The following VPS41 variants were observed in gnomAD, a reference collection of about 807,000 sequenced individuals.
The protein encoded by VPS41 is vacuolar protein sorting-associated protein 41 homolog.
Under a neutral mutation model 130.9 loss-of-function variants are expected in VPS41, and 85 were observed. That is an observed-to-expected ratio of 0.65 (90% confidence interval 0.55 to 0.78). VPS41 has a LOEUF of 0.78. VPS41 is among the 30% of genes least tolerant of loss of function. The probability of loss-of-function intolerance (pLI) is 0.00; values close to 1 mark genes in which losing one functional copy is unlikely to be tolerated. For synonymous variants in VPS41, 335 were observed against 332.9 expected (o/e 1.01, Z -0.07); for missense variants, 874 against 1,018.7 (o/e 0.86, Z 1.93).
chr7:38,737,401 AC>A (rs1795790386), intron 25 of VPS41, among the ~76,000 whole-genome samples: 1 of 152,084 alleles, frequency 6.6e-6, no homozygotes, highest in Admixed American at 6.5e-5. Context: ...TAAAAACAAA[AC>A]TTCATAACCC....
intron 9 of VPS41, among the ~76,000 whole-genome samples, chr7:38,790,647 G>A (rs760135144): frequency 6.6e-6 from 1 of 152,192 alleles, no homozygotes; most frequent in Non-Finnish European, 1.5e-5. Context: ...GTATACAGGA[G>A]GATGTGCATA....
intron 10 of VPS41, among the ~76,000 whole-genome samples, chr7:38,786,569 T>C (rs1784443151): frequency 6.6e-6 from 1 of 152,110 alleles, no homozygotes. Context: ...GCAAATATAG[T>C]AAAATCTTAA....
intron 7 of VPS41, among the ~76,000 whole-genome samples, chr7:38,806,659 A>C (rs1784845193): frequency 6.6e-6 from 1 of 152,240 alleles, no homozygotes; most frequent in Admixed American, 6.5e-5. Context: ...AAATATTGTT[A>C]ATAATTTGGT....
At chr7:38,805,174 C>A (rs1193956627) in intron 7 of VPS41, among the ~76,000 whole-genome samples, 1 of 152,204 alleles carries the variant, frequency 6.6e-6, no homozygotes, top group African/African-American at 2.4e-5. Flanking sequence ...ATTGCTAAGT[C>A]TTGAATAATG....
chr7:38,909,112 C>T (rs201373461), intron 1 of VPS41, 42 bp downstream of exon 1: 3 of 1,612,810 alleles, frequency 1.9e-6, no homozygotes, highest in Admixed American at 3.3e-5. Context: ...CCACCCTAGT[C>T]TCTATATCCC....
intron 25 of VPS41, among the ~76,000 whole-genome samples, 184 bp from the exon 26 acceptor site, chr7:38,728,975 A>G (rs1440146242): frequency 6.6e-6 from 1 of 152,114 alleles, no homozygotes; most frequent in Non-Finnish European, 1.5e-5. Context: ...CTGGCCAGCC[A>G]GGATCCACTC....
In VPS41 at chr7:38,743,460, C is replaced by T. The variant is rs776440152; in HGVS notation, c.2064G>A (p.Lys688=). 4.3e-5 allele frequency: 69 copies of T among 1,613,918 alleles called. 1 individual carries two copies. In the South Asian group the frequency reaches 5.9e-4, roughly 14 times the overall value. ...CCCACAGCTCTCCATCATCTTGCTC[C>T]TTGGCAAATTCGATTGCTTTATCAA... ...HDVDKAIEFA[K]EQDDGELWED... The change falls in exon 24 of 29, where the codon AAG becomes AAA. Residue 688 remains lysine (K), a synonymous_variant. Transcript: ENST00000310301.
chr7:38,771,115 C>A (rs566834106), intron 14 of VPS41, 83 bp downstream of exon 14: 5 of 993,522 alleles, frequency 5.0e-6, no homozygotes, highest in Non-Finnish European at 7.6e-6. Flanking sequence ...TAGGAAAAAC[C>A]TGTTCTTTTC....
intron 4 of VPS41, among the ~76,000 whole-genome samples, chr7:38,838,165 T>A (rs1785534269): frequency 6.6e-6 from 1 of 151,384 alleles, no homozygotes; most frequent in Admixed American, 6.6e-5. Context: ...AAGAAACAAA[T>A]GCCTTACGTA....
At chr7:38,822,510 G>A (rs1277468279) in intron 5 of VPS41, among the ~76,000 whole-genome samples, 5 of 152,158 alleles carry the variant, frequency 3.3e-5, no homozygotes, top group Non-Finnish European at 4.4e-5. Flanking sequence ...AGTAGAGGTT[G>A]CTTCTTTGCC....
intron 24 of VPS41, among the ~76,000 whole-genome samples, chr7:38,742,762 T>TA (rs371618498): frequency 0.65 from 94,290 of 144,664 alleles, 31,140 homozygotes; most frequent in Admixed American, 0.78. Context: ...CTACCAAACT[T>TA]AAAAAAAAAA....
intron 3 of VPS41, among the ~76,000 whole-genome samples, chr7:38,865,960 A>G (rs1786220113): frequency 6.6e-6 from 1 of 152,246 alleles, no homozygotes; most frequent in Non-Finnish European, 1.5e-5. Context: ...GGTTTCTGGA[A>G]GATTACTTTA....
chr7:38,808,151 C>T (rs1784876222), intron 7 of VPS41, among the ~76,000 whole-genome samples: 1 of 152,142 alleles, frequency 6.6e-6, no homozygotes, highest in Admixed American at 6.5e-5. Context: ...ACCCTGACCG[C>T]TGTAGATACC....
chr7:38,821,142 TA>T, intron 6 of VPS41, 60 bp downstream of exon 6: 1 of 1,242,490 alleles, frequency 8.0e-7, no homozygotes, highest in Non-Finnish European at 1.2e-6. Flanking sequence ...CAAATTACTG[TA>T]ATCCATATTG....
chr7:38,771,776 T>C (rs1054144228), intron 13 of VPS41, among the ~76,000 whole-genome samples: 4 of 152,200 alleles, frequency 2.6e-5, no homozygotes, highest in Non-Finnish European at 5.9e-5. Flanking sequence ...TACTTTAACA[T>C]AAATATTTAA....
chr7:38,728,330 C>G, intron 27 of VPS41: 1 of 704,704 alleles, frequency 1.4e-6, no homozygotes, highest in Admixed American at 2.1e-5. Flanking sequence ...TGCCAGGTGA[C>G]GATGACTCAC....
intron 5 of VPS41, among the ~76,000 whole-genome samples, chr7:38,821,842 A>C (rs2116125415): frequency 6.6e-6 from 1 of 152,348 alleles, no homozygotes; most frequent in African/African-American, 2.4e-5. Context: ...AATTGTATTA[A>C]ATGCATGCCA....
chr7:38,836,909 C>T lies in VPS41; in HGVS notation c.247-6581G>A, dbSNP rs75467431. Among the ~76,000 whole-genome samples, 47 of 152,184 alleles carry T rather than the reference C, an allele frequency of 3.1e-4. 3 individuals carry two copies. In the East Asian group the frequency reaches 9.1e-3, roughly 29 times the overall value. On this transcript the variant is annotated intron_variant, in intron 4 of 28. Transcript: ENST00000310301. ...TATTTGAAAATGTGTATCAAAATTACTTAAAATATACATTATCTATTATGA... is the reference window on the plus strand; with the variant it reads ...TATTTGAAAATGTGTATCAAAATTATTTAAAATATACATTATCTATTATGA...
intron 2 of VPS41, among the ~76,000 whole-genome samples, chr7:38,882,849 C>G (rs982954811): frequency 2.6e-5 from 4 of 152,310 alleles, no homozygotes; most frequent in African/African-American, 9.6e-5. Flanking sequence ...CAATGGTCTC[C>G]CCTATTCCTA....
Sources: allele counts gnomAD v4.1 joint callset (sites outside exome capture counted in the v4.1 genomes callset), GRCh38; gene constraint gnomAD v4.1.1; transcripts MANE v1.5; gene names NCBI Gene and HGNC (gene_info 2026-07-23, HGNC 2026-07-21).